DCUN1D4: variants seen among roughly 807,000 people sequenced by gnomAD.
DCUN1D4 encodes the protein defective in cullin neddylation 1 domain containing 4.
DCUN1D4 carries 22 observed loss-of-function variants against 47.9 expected under a neutral mutation model. That is an observed-to-expected ratio of 0.46 (90% CI 0.33 to 0.66). DCUN1D4 has a LOEUF of 0.66. DCUN1D4 is among the 30% of genes least tolerant of loss of function. The pLI, the probability that DCUN1D4 is intolerant of heterozygous loss-of-function variation, is 0.02. For missense variants in DCUN1D4, 301 were observed against 340.8 expected (o/e 0.88, Z 0.92); for synonymous variants, 121 against 112.2 (o/e 1.08, Z -0.50).
At chr4:51,891,238 G>T (rs1310276010) in intron 6 of DCUN1D4, among the ~76,000 whole-genome samples, 2 of 152,172 alleles carry the variant, frequency 1.3e-5, no homozygotes, top group South Asian at 2.1e-4. Flanking sequence ...TGTCCAGCTA[G>T]TTCTACTTCA....
At chr4:51,842,800 G>A (rs1011719744), upstream of DCUN1D4, among the ~76,000 whole-genome samples, 2 of 152,202 alleles carry the variant, frequency 1.3e-5, no homozygotes. Context: ...TTTCTTGGTG[G>A]GTCTCCAGCT....
intron 4 of DCUN1D4, 82 bp downstream of exon 4, chr4:51,874,467 C>G (rs768004532): frequency 3.1e-6 from 3 of 967,484 alleles, no homozygotes; most frequent in Non-Finnish European, 4.5e-6. Context: ...TGTGGGTCTT[C>G]TAAGTGTGCA....
intron 7 of DCUN1D4, among the ~76,000 whole-genome samples, chr4:51,898,326 T>G (rs1731579638): frequency 6.6e-6 from 1 of 151,960 alleles, no homozygotes; most frequent in Non-Finnish European, 1.5e-5. Context: ...TCAGTCATAG[T>G]CAGGGGAGTG....
chr4:51,840,049 A>T (rs1721593258), upstream of DCUN1D4, among the ~76,000 whole-genome samples: 1 of 152,200 alleles, frequency 6.6e-6, no homozygotes, highest in Non-Finnish European at 1.5e-5. Flanking sequence ...ACATGGAGTA[A>T]CTTGCTTCAA....
chr4:51,882,769 AAAAT>A (rs994369414), intron 5 of DCUN1D4, among the ~76,000 whole-genome samples: 2 of 152,138 alleles, frequency 1.3e-5, no homozygotes, highest in Non-Finnish European at 1.5e-5. Flanking sequence ...TCCATTTCAA[AAAAT>A]AAATAAATAA....
At chr4:51,866,325 A>G (rs939268690) in intron 3 of DCUN1D4, among the ~76,000 whole-genome samples, 3 of 152,200 alleles carry the variant, frequency 2.0e-5, no homozygotes, top group Admixed American at 2.0e-4. Flanking sequence ...CCCCACTAGT[A>G]GTCCACGTTT....
chr4:51,836,906 A>G, the DCUN1D4 span, among the ~76,000 whole-genome samples: 13 of 152,326 alleles, frequency 8.5e-5, no homozygotes, highest in South Asian at 2.1e-4. Context: ...GGATGTTAGA[A>G]AGACACTGTA....
chr4:51,859,638 CAAAAAAAAAA>C lies in DCUN1D4; in HGVS notation c.26-3781_26-3772del, dbSNP rs35981680. 3.0e-4 allele frequency among the ~76,000 whole-genome samples: 12 copies of C among 39,494 alleles called. No individual in the cohort carries two copies. The South Asian group carries it at 5.4e-3, about 18-fold the overall frequency. The allele number at this position is 39,494 out of a possible 152,430, so 25.9% of individuals were successfully genotyped here. On this transcript the variant is annotated intron_variant, in intron 1 of 10. Coordinates refer to ENST00000334635, the MANE Select transcript of DCUN1D4 (RefSeq NM_001040402.3). ...CACAGCAAATGGTAGTTAAAACAAGCAAAAAAAAAAAAAAAAAAAAAAAAAAACCCAGACA... is the reference window on the plus strand; with the variant it reads ...CACAGCAAATGGTAGTTAAAACAAGCAAAAAAAAAAAAAAAAACCCAGACA...
At chr4:51,864,441 A>G (rs1725579143) in intron 3 of DCUN1D4, among the ~76,000 whole-genome samples, 1 of 152,240 alleles carries the variant, frequency 6.6e-6, no homozygotes, top group African/African-American at 2.4e-5. Context: ...AAATGGCCAT[A>G]GTAATAGACG....
chr4:51,912,940 A>G (rs1406089905), intron 9 of DCUN1D4, among the ~76,000 whole-genome samples: 1 of 152,200 alleles, frequency 6.6e-6, no homozygotes, highest in African/African-American at 2.4e-5. Context: ...AAATTAGTAA[A>G]TGATCTCTTT....
At chr4:51,884,087 G>A (rs1729099614) in intron 5 of DCUN1D4, among the ~76,000 whole-genome samples, 1 of 151,720 alleles carries the variant, frequency 6.6e-6, no homozygotes, top group Non-Finnish European at 1.5e-5. Context: ...TAACAGATTT[G>A]AATATATGAA....
At chr4:51,857,653 G>A (rs184481156) in intron 1 of DCUN1D4, among the ~76,000 whole-genome samples, 479 of 152,260 alleles carry the variant, frequency 3.1e-3, no homozygotes, top group Non-Finnish European at 5.2e-3. Flanking sequence ...CTGTCATTAC[G>A]TTTGCATGGT....
upstream of DCUN1D4, chr4:51,843,016 T>A: frequency 7.5e-7 from 1 of 1,325,352 alleles, no homozygotes; most frequent in Non-Finnish European, 9.7e-7. Context: ...GGGCGGGGCC[T>A]CGTTGCCAGC....
rs757183001 is a variant in DCUN1D4, at chr4:51,899,346, C to T, written c.583C>T (p.Leu195Phe). ...SFLNDSTNFK[L>F]IYRYAFDFAR... is the part of the protein sequence containing the mutation. ...CTTAAATGATTCTACAAACTTTAAA[C>T]TTATTTACAGATATGCGTTTGACTT... Residue 195 changes from leucine (L) to phenylalanine (F), a missense_variant, in exon 8 of 11, where the codon CTT becomes TTT. Coordinates refer to ENST00000334635, the MANE Select transcript of DCUN1D4 (RefSeq NM_001040402.3). The T allele has an allele frequency of 6.2e-7, 1 of 1,608,146 alleles. No homozygotes were observed. The highest frequency in any genetic ancestry group is 8.5e-7 in the Non-Finnish European group (1 of 1,177,528).
At chr4:51,846,823 T>C (rs1447527152) in intron 1 of DCUN1D4, among the ~76,000 whole-genome samples, 1 of 152,170 alleles carries the variant, frequency 6.6e-6, no homozygotes, top group Non-Finnish European at 1.5e-5. Context: ...TGCATCTTTT[T>C]CTTCTTCTAT....
intron 9 of DCUN1D4, among the ~76,000 whole-genome samples, chr4:51,912,967 T>C (rs1311045642): frequency 6.6e-6 from 1 of 152,184 alleles, no homozygotes; most frequent in Non-Finnish European, 1.5e-5. Context: ...TTATAATATC[T>C]TTATGAAGTA....
At chr4:51,844,842 A>G (rs1393316936) in intron 1 of DCUN1D4, 6 of 984,928 alleles carry the variant, frequency 6.1e-6, no homozygotes, top group Non-Finnish European at 4.8e-6. Context: ...AACTGTGGAA[A>G]CGGGTCCCGG....
At chr4:51,850,712 A>C (rs1723239340) in intron 1 of DCUN1D4, among the ~76,000 whole-genome samples, 1 of 152,114 alleles carries the variant, frequency 6.6e-6, no homozygotes, top group African/African-American at 2.4e-5. Flanking sequence ...GGTTCTGTAG[A>C]GAAAAACAGC....
At position 51,911,182 on chromosome 4, in the gene DCUN1D4, ATTG is replaced by A. The variant is rs1315222519; in HGVS notation, c.720+14_720+16del. 5.6e-6 allele frequency: 9 copies of A among 1,604,892 alleles called. No homozygotes were observed. The highest frequency in any genetic ancestry group is 1.1e-5 in the South Asian group (1 of 89,436). On this transcript the variant is annotated intron_variant, in intron 9 of 10. Transcript: ENST00000334635. ...TTTCACCAATTCTTAGAGGTACCAA[ATTG>A]TTGTTTTATGAAATGTATGTTTGCT...
Sources: gnomAD v4.1 joint callset for allele counts (sites outside exome capture counted in the v4.1 genomes callset) on GRCh38, gnomAD v4.1.1 for gene constraint, MANE v1.5 for transcripts, NCBI Gene and HGNC (gene_info 2026-07-23, HGNC 2026-07-21) for gene names.